Variants in CTNNA2 observed in about 807,000 individuals in gnomAD.
CTNNA2 encodes catenin alpha-2.
Under a neutral mutation model 101.0 loss-of-function variants are expected in CTNNA2, and 42 were observed. The observed-to-expected ratio is 0.42, with a 90% confidence interval of 0.32 to 0.54. The LOEUF is 0.54. CTNNA2 is among the 20% of genes least tolerant of loss of function. CTNNA2 has a pLI of 0.14. For missense variants in CTNNA2, 871 were observed against 1,223.1 expected, an observed-to-expected ratio of 0.71 and a Z score of 4.29; for synonymous variants, 450 against 456.4, an observed-to-expected ratio of 0.99 and a Z score of 0.18.
At chr2:79,521,167 TA>T (rs1412835592) in intron 1 of CTNNA2, among the ~76,000 whole-genome samples, 1 of 100,472 alleles carries the variant, frequency 1.0e-5, no homozygotes, top group African/African-American at 3.9e-5. Flanking sequence ...TATATATATA[TA>T]AATTTTAAGG....
intron 3 of CTNNA2, among the ~76,000 whole-genome samples, chr2:79,759,962 G>T (rs559027464): frequency 6.6e-6 from 1 of 152,186 alleles, no homozygotes; most frequent in South Asian, 2.1e-4. Flanking sequence ...CCTCAGCCAT[G>T]CTCCAAAGCA....
At chr2:80,105,964 T>G (rs1700861696) in intron 7 of CTNNA2, among the ~76,000 whole-genome samples, 1 of 152,020 alleles carries the variant, frequency 6.6e-6, no homozygotes, top group Admixed American at 6.6e-5. Context: ...AACAGGTGGG[T>G]TCAATCGCTT....
intron 4 of CTNNA2, among the ~76,000 whole-genome samples, chr2:79,451,672 C>G (rs183263135): frequency 6.6e-6 from 1 of 151,858 alleles, no homozygotes; most frequent in African/African-American, 2.4e-5. Flanking sequence ...ACAAGGATAT[C>G]AGTTTAAGAC....
chr2:79,374,689 A>G (rs1283866755), intron 4 of CTNNA2, among the ~76,000 whole-genome samples: 4 of 152,130 alleles, frequency 2.6e-5, no homozygotes, highest in Non-Finnish European at 5.9e-5. Context: ...TATCAGCAGC[A>G]ACTAGCCAAG....
intron 3 of CTNNA2, among the ~76,000 whole-genome samples, chr2:79,804,186 C>A (rs960816115): frequency 6.6e-6 from 1 of 152,102 alleles, no homozygotes; most frequent in Non-Finnish European, 1.5e-5. Flanking sequence ...AATTTTAGCA[C>A]ATTTTTGTAT....
chr2:80,163,255 T>C (rs1704448575), intron 7 of CTNNA2: 1 of 718,736 alleles, frequency 1.4e-6, no homozygotes, highest in Non-Finnish European at 2.4e-6. Context: ...GATTTTCCAA[T>C]ATTAAGCCAG....
intron 7 of CTNNA2, among the ~76,000 whole-genome samples, chr2:80,258,172 T>G (rs1672320342): frequency 6.6e-6 from 1 of 152,180 alleles, no homozygotes; most frequent in South Asian, 2.1e-4. Context: ...CTTTGAAGCA[T>G]TTTATTGTTC....
chr2:80,507,605 C>T (rs976803487), intron 9 of CTNNA2, among the ~76,000 whole-genome samples: 4 of 152,072 alleles, frequency 2.6e-5, no homozygotes, highest in Non-Finnish European at 4.4e-5. Flanking sequence ...TATCTCTTGG[C>T]TTTGGTATTC....
intron 1 of CTNNA2, among the ~76,000 whole-genome samples, chr2:79,553,138 G>C (rs1279288983): frequency 6.6e-6 from 1 of 152,034 alleles, no homozygotes; most frequent in East Asian, 1.9e-4. Flanking sequence ...ATAAGCTCTT[G>C]AATATTTTGC....
At chr2:79,947,784 G>A (rs1004627909) in intron 7 of CTNNA2, among the ~76,000 whole-genome samples, 4 of 152,156 alleles carry the variant, frequency 2.6e-5, no homozygotes, top group African/African-American at 9.7e-5. Context: ...GTGCACATAG[G>A]CCATGTCATG....
intron 2 of CTNNA2, among the ~76,000 whole-genome samples, chr2:79,703,596 T>A (rs1685153282): frequency 6.6e-6 from 1 of 152,216 alleles, no homozygotes; most frequent in Admixed American, 6.5e-5. Flanking sequence ...TGCCTTCCAG[T>A]TAGGTACATC....
chr2:79,196,353 C>T (rs1207825692), intron 1 of CTNNA2, among the ~76,000 whole-genome samples: 2 of 152,134 alleles, frequency 1.3e-5, no homozygotes, highest in Non-Finnish European at 1.5e-5. Context: ...TACTTCCTCA[C>T]TCACCCCAAC....
intron 2 of CTNNA2, among the ~76,000 whole-genome samples, chr2:79,235,294 A>G (rs893604829): frequency 5.3e-5 from 8 of 152,144 alleles, no homozygotes; most frequent in African/African-American, 1.7e-4. Context: ...GTATACTGGC[A>G]AAATATTTTA....
At chr2:79,923,568 T>G (rs2104390106) in intron 7 of CTNNA2, among the ~76,000 whole-genome samples, 1 of 152,314 alleles carries the variant, frequency 6.6e-6, no homozygotes, top group East Asian at 1.9e-4. Flanking sequence ...CCTTACCAAC[T>G]TACCATTTGT....
chr2:79,523,899 G>A lies in CTNNA2; in HGVS notation c.-6+10692G>A, dbSNP rs925457727. Among the ~76,000 whole-genome samples, 4 of 152,076 alleles carry A rather than the reference G, an allele frequency of 2.6e-5. No homozygotes were observed. In the South Asian group the frequency reaches 8.3e-4, roughly 32 times the overall value. On this transcript the variant is annotated intron_variant, in intron 1 of 18. Coordinates refer to ENST00000402739, the MANE Select transcript of CTNNA2 (RefSeq NM_001282597.3). ...GTCTTGCCTTTGCTGTGATGAGTGT[G>A]TTCATGTTTTCCAAGTTTTTTTGCA...
In CTNNA2 at chr2:80,581,106, C is replaced by G. The variant is rs183721279; in HGVS notation, c.1894-600C>G. Among the ~76,000 whole-genome samples, 3 of 152,268 alleles carry G rather than the reference C, an allele frequency of 2.0e-5. No homozygotes were observed. In the East Asian group the frequency reaches 5.8e-4, roughly 29 times the overall value. On this transcript the variant is annotated intron_variant, in intron 13 of 18. Coordinates refer to ENST00000402739, the MANE Select transcript of CTNNA2 (RefSeq NM_001282597.3). ...CTATACAGATAATACATTGCCTAAT[C>G]TTCACAGCAATCATAGAGGTAGCTA...
rs772145072 is a variant in CTNNA2, at chr2:79,869,912, T to C, written c.562T>C (p.Tyr188His). 6 of 1,613,856 alleles carry C rather than the reference T, an allele frequency of 3.7e-6. No homozygotes were observed. In the East Asian group the frequency reaches 1.3e-4, roughly 36 times the overall value. Reference sequence around the variant, plus strand: ...TGGGAAAGAGATGGTGAAACTTAACTATGTAGCAGCAAGAAGACAACAGGT... The same window carrying C: ...TGGGAAAGAGATGGTGAAACTTAACCATGTAGCAGCAAGAAGACAACAGGT... Reference protein sequence around the residue: ...EFGKEMVKLNYVAARRQQELK... With the variant: ...EFGKEMVKLNHVAARRQQELK... Residue 188 changes from tyrosine (Y) to histidine (H), a missense_variant, in exon 5 of 19, where the codon TAT becomes CAT. Physicochemically the swap from Tyr to His is moderately conservative, Grantham distance 83. Around this residue, in one of 5 missense-constraint regions of CTNNA2, gnomAD observed 647 missense variants for 831.5 expected, o/e 0.78. Transcript: ENST00000402739.
At chr2:80,487,915 C>G (rs1167858438) in intron 9 of CTNNA2, among the ~76,000 whole-genome samples, 1 of 152,114 alleles carries the variant, frequency 6.6e-6, no homozygotes, top group East Asian at 1.9e-4. Context: ...TGACCATTGA[C>G]CTCCTCCAAT....
chr2:79,769,558 A>T (rs1673424532), intron 3 of CTNNA2, among the ~76,000 whole-genome samples: 1 of 152,224 alleles, frequency 6.6e-6, no homozygotes, highest in African/African-American at 2.4e-5. Flanking sequence ...TTTAGCCCTT[A>T]GTAAAGATTA....
Sources: allele counts gnomAD v4.1 joint callset (sites outside exome capture counted in the v4.1 genomes callset), GRCh38; gene constraint gnomAD v4.1.1; regional missense constraint gnomAD v4.1.1; transcripts MANE v1.5; gene names NCBI Gene and HGNC (gene_info 2026-07-23, HGNC 2026-07-21).